Variants in DPP6 observed in about 807,000 individuals in gnomAD.
DPP6 encodes dipeptidyl peptidase like 6, also known as A-type potassium channel modulatory protein DPP6.
A neutral mutation model predicts 122.6 loss-of-function variants in DPP6; 69 were observed. The ratio of observed to expected loss-of-function variants is 0.56; its 90% CI spans 0.46 to 0.69. The LOEUF (loss-of-function observed/expected upper bound fraction) is 0.69, where lower values mean the gene tolerates loss of function less well. DPP6 is among the 30% of genes least tolerant of loss of function. The probability of loss-of-function intolerance (pLI) is 0.00; values close to 1 mark genes in which losing one functional copy is unlikely to be tolerated. For synonymous variants in DPP6, 418 were observed against 433.1 expected, an observed-to-expected ratio of 0.97 and a Z score of 0.43; for missense variants, 928 against 1,116.9, an observed-to-expected ratio of 0.83 and a Z score of 2.41.
intron 1 of DPP6, among the ~76,000 whole-genome samples, chr7:154,113,411 A>G (rs1431809768): frequency 1.4e-5 from 2 of 145,048 alleles, no homozygotes; most frequent in African/African-American, 5.7e-5. Flanking sequence ...ATATATATAT[A>G]TACACACACA....
rs551946485 is a variant in DPP6, at chr7:154,031,454, G to T, written c.51+143720G>T. Among the ~76,000 whole-genome samples the T allele has an allele frequency of 3.7e-3, 561 of 151,770 alleles. 3 individuals are homozygous for T. The highest frequency in any genetic ancestry group is 0.01 in the African/African-American group (432 of 41,180). ...CTGCTGCCCTTCAGCATGTCTGTAG[G>T]CAAAATACACAGTAGTTTTGGCATT... On this transcript the variant is annotated intron_variant, in intron 1 of 25. Transcript: ENST00000404039.
At position 154,605,234 on chromosome 7, in the gene DPP6, A is replaced by G. The variant is rs1300956051; in HGVS notation, c.628-32587A>G. Among the ~76,000 whole-genome samples, 7 of 119,898 alleles carry G rather than the reference A, an allele frequency of 5.8e-5. 2 individuals are homozygous for G. Among genetic ancestry groups the G allele is most frequent in the African/African-American group, 1.8e-4 (7 of 37,866 alleles). 78.7% of individuals were successfully genotyped at this position (119,898 alleles called of 152,430 possible). A position where few individuals can be genotyped will look rare whatever the true frequency, so the allele number is the denominator to read the frequency against. On this transcript the variant is annotated intron_variant, in intron 5 of 25. Transcript: ENST00000377770. ...TAAACCAACCTTGATTATATTCCTA[A>G]AATACACCTTATTTAAATATGTTAT...
chr7:154,196,867 A>G (rs538817695), intron 1 of DPP6, among the ~76,000 whole-genome samples: 2 of 151,988 alleles, frequency 1.3e-5, no homozygotes, highest in African/African-American at 4.8e-5. Flanking sequence ...TCCCCATGGG[A>G]TACTCTCCTT....
intron 8 of DPP6, among the ~76,000 whole-genome samples, chr7:154,734,946 G>A (rs773268258): frequency 3.9e-5 from 6 of 152,164 alleles, no homozygotes; most frequent in Non-Finnish European, 7.4e-5. Flanking sequence ...CGTATTGGTG[G>A]TACAACTACT....
chr7:154,279,238 ATG>A (rs1321432439), intron 1 of DPP6, among the ~76,000 whole-genome samples: 1 of 152,096 alleles, frequency 6.6e-6, no homozygotes, highest in East Asian at 1.9e-4. Context: ...GTGTGCATAT[ATG>A]TGTGTGTGGC....
At chr7:154,201,127 T>C (rs1799150178) in intron 1 of DPP6, among the ~76,000 whole-genome samples, 1 of 152,086 alleles carries the variant, frequency 6.6e-6, no homozygotes, top group African/African-American at 2.4e-5. Flanking sequence ...TTGCCTTTTT[T>C]TGTTGTTGTT....
intron 1 of DPP6, among the ~76,000 whole-genome samples, chr7:153,916,118 C>G (rs1434084622): frequency 6.6e-6 from 1 of 151,648 alleles, no homozygotes; most frequent in Admixed American, 6.6e-5. Flanking sequence ...AGGCGCCCGC[C>G]ACTGCGCCTG....
intron 5 of DPP6, among the ~76,000 whole-genome samples, chr7:154,598,971 C>A (rs994547647): frequency 2.8e-4 from 43 of 152,114 alleles, no homozygotes; most frequent in African/African-American, 1.0e-3. Flanking sequence ...TATAGATGCC[C>A]TGGGGAGAGC....
At chr7:154,181,911 G>C (rs976043693) in intron 1 of DPP6, among the ~76,000 whole-genome samples, 3 of 152,014 alleles carry the variant, frequency 2.0e-5, no homozygotes, top group Non-Finnish European at 2.9e-5. Flanking sequence ...ACCACACCCA[G>C]CTAATTTTTT....
rs1322004362 is a variant in DPP6 at position 154,820,562 on chromosome 7, T to C, written c.1666+13450T>C. ...TGCTTCTTCCCTTCACTTCCTGAAGTGTTCTTGTTTGGTCAAAATTATGAA... is the reference window on the plus strand; with the variant it reads ...TGCTTCTTCCCTTCACTTCCTGAAGCGTTCTTGTTTGGTCAAAATTATGAA... On this transcript the variant is annotated intron_variant, in intron 16 of 25. Coordinates refer to ENST00000377770, the MANE Select transcript of DPP6 (RefSeq NM_130797.4). Among the ~76,000 whole-genome samples, 8 of 152,240 alleles carry C rather than the reference T, an allele frequency of 5.3e-5. No homozygotes were observed. The East Asian group carries it at 1.5e-3, about 29-fold the overall frequency.
chr7:153,842,216 C>T, the DPP6 span, among the ~76,000 whole-genome samples: 1 of 152,146 alleles, frequency 6.6e-6, no homozygotes, highest in Non-Finnish European at 1.5e-5. Flanking sequence ...TTTAGAAATG[C>T]TACTAAACAG....
chr7:154,514,847 A>C (rs1049264350), intron 3 of DPP6, among the ~76,000 whole-genome samples: 2 of 152,198 alleles, frequency 1.3e-5, no homozygotes, highest in African/African-American at 4.8e-5. Context: ...TGCTATGCAC[A>C]TGAGTGTACA....
At chr7:154,082,086 C>T (rs942638370) in intron 1 of DPP6, among the ~76,000 whole-genome samples, 1 of 152,168 alleles carries the variant, frequency 6.6e-6, no homozygotes, top group Admixed American at 6.5e-5. Context: ...CATGTGAACA[C>T]AGCAGCACAG....
At chr7:153,951,381 C>T (rs544750616) in intron 1 of DPP6, among the ~76,000 whole-genome samples, 5 of 152,210 alleles carry the variant, frequency 3.3e-5, no homozygotes, top group South Asian at 4.2e-4. Context: ...GGGTTAGAAG[C>T]GCTCGAGGTC....
chr7:154,881,152 T>A, intron 21 of DPP6: 1 of 866,310 alleles, frequency 1.2e-6, no homozygotes, highest in East Asian at 3.0e-5. Flanking sequence ...TTACATTATC[T>A]GGAAGGAAAG....
chr7:154,823,868 C>G (rs1422889125), intron 16 of DPP6, among the ~76,000 whole-genome samples: 1 of 152,230 alleles, frequency 6.6e-6, no homozygotes, highest in Non-Finnish European at 1.5e-5. Context: ...AAAGATCCTT[C>G]TCTCTGCTCC....
intron 16 of DPP6, among the ~76,000 whole-genome samples, chr7:154,831,619 C>A (rs1195447325): frequency 6.6e-6 from 1 of 152,106 alleles, no homozygotes; most frequent in African/African-American, 2.4e-5. Flanking sequence ...TAAAAAAAAT[C>A]TCTTGAAATC....
chr7:154,023,451 G>A (rs1159927900), intron 1 of DPP6, among the ~76,000 whole-genome samples: 18 of 151,154 alleles, frequency 1.2e-4, no homozygotes, highest in African/African-American at 2.9e-4. Flanking sequence ...TTTGCCATTC[G>A]GTTTAATGGA....
intron 1 of DPP6, among the ~76,000 whole-genome samples, chr7:154,189,718 G>A (rs1054883867): frequency 2.6e-5 from 4 of 152,162 alleles, no homozygotes; most frequent in African/African-American, 7.2e-5. Flanking sequence ...TGAGACCAGC[G>A]AGGCTATCTT....
Sources: allele counts gnomAD v4.1 joint callset (sites outside exome capture counted in the v4.1 genomes callset), GRCh38; gene constraint gnomAD v4.1.1; transcripts MANE v1.5; gene names NCBI Gene and HGNC (gene_info 2026-07-23, HGNC 2026-07-21).